DNASE1: variants seen among roughly 807,000 people sequenced by gnomAD.
The protein encoded by DNASE1 is deoxyribonuclease 1.
In DNASE1, 40 loss-of-function variants were observed where a neutral mutation model predicts 33.9. That is an observed-to-expected ratio of 1.18 (90% CI 0.92 to 1.54). The LOEUF is 1.54. DNASE1 is among the 40% of genes most tolerant of loss of function. DNASE1 has a pLI of 0.00. For synonymous variants in DNASE1, 216 were observed against 160.0 expected (o/e 1.35, Z -2.64); for missense variants, 518 against 372.6 (o/e 1.39, Z -3.21).
At chr16:3,644,207 C>T (rs1224666540) in intron 1 of DNASE1, among the ~76,000 whole-genome samples, 2 of 152,118 alleles carry the variant, frequency 1.3e-5, no homozygotes, top group African/African-American at 4.8e-5. Flanking sequence ...CTTTGGGAAG[C>T]TGAGGTGAAG....
exon 10 of DNASE1, chr16:3,664,401 G>GT: frequency 6.2e-7 from 1 of 1,612,400 alleles, no homozygotes; most frequent in Non-Finnish European, 8.5e-7. Context: ...TGAGAGGCTG[G>GT]TTAGCTGCCC....
chr16:3,662,896 C>T (rs2151240580), downstream of DNASE1: 1 of 1,613,574 alleles, frequency 6.2e-7, no homozygotes, highest in East Asian at 2.2e-5. Context: ...ACGTTGGTGA[C>T]ACGCGACCCC....
chr16:3,659,832 C>G (rs550427018), downstream of DNASE1: 3 of 152,008 alleles, frequency 2.0e-5, no homozygotes, highest in South Asian at 2.1e-4. Context: ...CTTGGCTCAC[C>G]GCAGCCTCCT....
At chr16:3,647,939 G>A (rs985811289) in intron 1 of DNASE1, among the ~76,000 whole-genome samples, 2 of 152,096 alleles carry the variant, frequency 1.3e-5, no homozygotes, top group South Asian at 2.1e-4. Context: ...AGGCTGAGGC[G>A]GGCGGATCAC....
rs571444570 is a variant in DNASE1 at position 3,655,909 on chromosome 16, G to A, written c.208G>A (p.Val70Met). Residue 70 changes from valine (V) to methionine (M), a missense_variant, in exon 3 of 9, where the codon GTG (valine) becomes ATG (methionine). Val to Met is a conservative substitution (Grantham distance 21). Transcript: ENST00000246949. ...QEVRDSHLTA[V>M]GKLLDNLNQD... ...GGTCAGAGACAGCCACCTGACTGCC[G>A]TGGGGAAGCTGCTGGACAACCTCAA... 2.9e-5 allele frequency: 47 copies of A among 1,614,096 alleles called. 1 individual carries two copies. In the East Asian group the frequency reaches 4.0e-4, roughly 14 times the overall value.
chr16:3,655,552 G>A (rs1227139538), intron 2 of DNASE1, 32 bp downstream of exon 2: 1 of 1,613,644 alleles, frequency 6.2e-7, no homozygotes, highest in Admixed American at 1.7e-5. Flanking sequence ...CCCAAAAGCA[G>A]AGGAGCTCTG....
intron 1 of DNASE1, among the ~76,000 whole-genome samples, chr16:3,626,225 G>T (rs1296791900): frequency 6.6e-6 from 1 of 151,844 alleles, no homozygotes; most frequent in Non-Finnish European, 1.5e-5. Flanking sequence ...AGAAAAACAG[G>T]CAAGAGACTT....
chr16:3,630,898 G>T (rs2041675701), intron 1 of DNASE1, among the ~76,000 whole-genome samples: 1 of 152,064 alleles, frequency 6.6e-6, no homozygotes, highest in Non-Finnish European at 1.5e-5. Context: ...ATTGGGTAAT[G>T]TAGTTTTTTT....
At chr16:3,646,522 C>T (rs1055330352) in intron 1 of DNASE1, among the ~76,000 whole-genome samples, 1 of 151,790 alleles carries the variant, frequency 6.6e-6, no homozygotes, top group African/African-American at 2.4e-5. Context: ...GAGAGGATGT[C>T]CTCTGAAAAG....
chr16:3,658,833 C>T (rs150558344), downstream of DNASE1: 45 of 1,613,874 alleles, frequency 2.8e-5, 1 homozygote, highest in African/African-American at 2.5e-4. Flanking sequence ...CTCGCTTGCG[C>T]GCAGCTGATT....
chr16:3,624,956 C>T (rs2041457617), intron 1 of DNASE1, among the ~76,000 whole-genome samples: 1 of 152,192 alleles, frequency 6.6e-6, no homozygotes, highest in African/African-American at 2.4e-5. Context: ...CCCAGCCTCT[C>T]ACAGTCTGAG....
At chr16:3,661,875 G>T, downstream of DNASE1, 2 of 1,352,870 alleles carry the variant, frequency 1.5e-6, no homozygotes, top group Non-Finnish European at 2.0e-6. Flanking sequence ...TTACCCACAT[G>T]TCCACAGGCC....
At chr16:3,638,347 C>CT (rs201227747), upstream of DNASE1, among the ~76,000 whole-genome samples, 824 of 151,738 alleles carry the variant, frequency 5.4e-3, 7 homozygotes, top group African/African-American at 0.018. Flanking sequence ...TTGGGTTTTT[C>CT]TTTTTTTTGA....
At chr16:3,612,046 G>C (rs2040896183) in intron 1 of DNASE1, 2 of 152,278 alleles carry the variant, frequency 1.3e-5, no homozygotes, top group Non-Finnish European at 2.9e-5. Flanking sequence ...GGTCGGGGAG[G>C]GTTAGCTACG....
At chr16:3,656,214 C>G in intron 4 of DNASE1, 29 bp downstream of exon 4, 1 of 1,608,950 alleles carries the variant, frequency 6.2e-7, no homozygotes, top group East Asian at 2.2e-5. Context: ...CAGGAAGCCC[C>G]TCCCTCACCT....
Position 3,657,898 on chromosome 16 carries a change from G to A in DNASE1, c.802-8G>A, listed in dbSNP as rs1403165006. 1 of 1,613,996 alleles carries A rather than the reference G, an allele frequency of 6.2e-7. No individual in the cohort carries two copies. The stretch of plus-strand genomic sequence containing the variant: ...CTCAGCCCAGACCCTGTGCCCACTT[G>A]CCTGCAGGCCCAAGCCATCAGTGAC... On this transcript the variant is annotated splice_region_variant and splice_polypyrimidine_tract_variant and intron_variant, in intron 8 of 8. Transcript: ENST00000246949.
At chr16:3,617,068 G>A (rs557718209) in intron 1 of DNASE1, among the ~76,000 whole-genome samples, 156 of 152,134 alleles carry the variant, frequency 1.0e-3, no homozygotes, top group Non-Finnish European at 1.4e-3. Flanking sequence ...TAGGCTGGGC[G>A]TGGTGGCTCA....
chr16:3,647,220 T>A (rs79939457), intron 1 of DNASE1, among the ~76,000 whole-genome samples: 8,503 of 152,172 alleles, frequency 0.056, 259 homozygotes, highest in Admixed American at 0.068. Context: ...AGTATTGCTT[T>A]AAAAGCTTTT....
At chr16:3,664,169 C>T (rs1596695281) in exon 10 of DNASE1, 3 of 1,261,992 alleles carry the variant, frequency 2.4e-6, no homozygotes, top group Admixed American at 5.9e-5. Context: ...CACTGTGCAG[C>T]CCTGCCCGGA....
Sources: gnomAD v4.1 joint callset for allele counts (sites outside exome capture counted in the v4.1 genomes callset) on GRCh38, gnomAD v4.1.1 for gene constraint, MANE v1.5 for transcripts, NCBI Gene and HGNC (gene_info 2026-07-23, HGNC 2026-07-21) for gene names.